Variants in ATP8B4 observed in about 807,000 individuals in gnomAD.
The protein encoded by ATP8B4 is ATPase phospholipid transporting 8B4 (putative), also known as probable phospholipid-transporting ATPase IM.
A neutral mutation model predicts 145.6 loss-of-function variants in ATP8B4; 133 were observed. The ratio of observed to expected loss-of-function variants is 0.91; its 90% CI spans 0.79 to 1.05. The LOEUF (loss-of-function observed/expected upper bound fraction) is 1.05. ATP8B4 is among the 50% of genes least tolerant of loss of function. ATP8B4 has a pLI of 0.00. For synonymous variants in ATP8B4, 507 were observed against 492.9 expected, an observed-to-expected ratio of 1.03 and a Z score of -0.38; for missense variants, 1,458 against 1,425.2, an observed-to-expected ratio of 1.02 and a Z score of -0.37.
intron 25 of ATP8B4, among the ~76,000 whole-genome samples, chr15:49,874,892 A>G (rs570686786): frequency 5.9e-5 from 9 of 152,336 alleles, no homozygotes; most frequent in African/African-American, 2.2e-4. Context: ...GTTTTATGAG[A>G]AAAACAGCTT....
At chr15:49,877,836 A>G (rs1480594514) in intron 24 of ATP8B4, among the ~76,000 whole-genome samples, 2 of 152,228 alleles carry the variant, frequency 1.3e-5, no homozygotes, top group African/African-American at 4.8e-5. Context: ...ATAAATAACA[A>G]TTAATAAAAT....
chr15:50,036,065 T>C (rs2050811961), intron 6 of ATP8B4, among the ~76,000 whole-genome samples: 1 of 152,192 alleles, frequency 6.6e-6, no homozygotes, highest in Non-Finnish European at 1.5e-5. Flanking sequence ...TTTTTAAATA[T>C]TTTCTCTTAA....
At chr15:50,068,996 GCTCA>G (rs2053559817) in intron 3 of ATP8B4, among the ~76,000 whole-genome samples, 1 of 152,068 alleles carries the variant, frequency 6.6e-6, no homozygotes, top group Admixed American at 6.6e-5. Context: ...TGGCTGTTTG[GCTCA>G]CTCACAATTT....
chr15:50,101,602 C>G (rs1366548846), intron 2 of ATP8B4, among the ~76,000 whole-genome samples: 1 of 152,038 alleles, frequency 6.6e-6, no homozygotes, highest in Non-Finnish European at 1.5e-5. Flanking sequence ...ACAATTACTA[C>G]TAGACCTAAG....
chr15:50,105,861 G>T (rs2056651541), intron 2 of ATP8B4, among the ~76,000 whole-genome samples: 1 of 152,114 alleles, frequency 6.6e-6, no homozygotes, highest in South Asian at 2.1e-4. Context: ...TTGAAAACTT[G>T]TTTGTGTTAA....
At chr15:50,055,076 A>G (rs1330812324) in intron 3 of ATP8B4, among the ~76,000 whole-genome samples, 2 of 152,184 alleles carry the variant, frequency 1.3e-5, no homozygotes, top group Non-Finnish European at 2.9e-5. Flanking sequence ...TGATAATGTA[A>G]GCTTTCTCTT....
At chr15:50,071,546 C>T (rs1239627750) in intron 3 of ATP8B4, among the ~76,000 whole-genome samples, 1 of 152,196 alleles carries the variant, frequency 6.6e-6, no homozygotes, top group Non-Finnish European at 1.5e-5. Context: ...GTATTTTTCT[C>T]AAGGTCTTAA....
At chr15:49,938,300 T>C (rs748230277) in intron 14 of ATP8B4, among the ~76,000 whole-genome samples, 4 of 152,100 alleles carry the variant, frequency 2.6e-5, no homozygotes, top group Non-Finnish European at 5.9e-5. Flanking sequence ...TAACTTTGAA[T>C]GCAAATGGTC....
At chr15:50,115,005 G>A (rs561505060) in intron 1 of ATP8B4, among the ~76,000 whole-genome samples, 25 of 152,308 alleles carry the variant, frequency 1.6e-4, no homozygotes, top group African/African-American at 5.8e-4. Flanking sequence ...TGGGGAAGAT[G>A]AGAGCAGACA....
At chr15:49,895,013 A>T (rs1307648258) in intron 23 of ATP8B4, 1 of 152,242 alleles carries the variant, frequency 6.6e-6, no homozygotes, top group African/African-American at 2.4e-5. Context: ...GGGGAAAGAA[A>T]TCCTGTACCA....
chr15:50,144,952 A>C (rs544906736), intron 1 of ATP8B4, among the ~76,000 whole-genome samples: 1 of 152,294 alleles, frequency 6.6e-6, no homozygotes, highest in South Asian at 2.1e-4. Context: ...ACACTACTGA[A>C]TATCGTAGAA....
At position 49,859,112 on chromosome 15, in the gene ATP8B4, A is replaced by G. The variant is rs1249225782; in HGVS notation, c.*1082T>C. The G allele has an allele frequency of 3.3e-4, 50 of 152,180 alleles. 1 individual carries two copies. The highest frequency in any genetic ancestry group is 3.3e-3 in the Admixed American group (50 of 15,280). 9.4% of individuals were successfully genotyped at this position (152,180 alleles called of 1,614,324 possible). On this transcript the variant is annotated 3_prime_UTR_variant, in exon 28 of 28. Coordinates refer to ENST00000284509, the MANE Select transcript of ATP8B4 (RefSeq NM_024837.4). Reference sequence around the variant, plus strand: ...ACTGATGATTCATATGTGGACTGAAATTTGAGCTGCAACATCTCCAAAAAA... The same window carrying G: ...ACTGATGATTCATATGTGGACTGAAGTTTGAGCTGCAACATCTCCAAAAAA...
At position 50,104,134 on chromosome 15, in the gene ATP8B4, A is replaced by C. The variant is rs1041489418; in HGVS notation, c.28+2805T>G. Among the ~76,000 whole-genome samples, 32 of 152,322 alleles carry C rather than the reference A, an allele frequency of 2.1e-4. No homozygotes were observed. The East Asian group carries it at 6.0e-3, about 28-fold the overall frequency. ...GAACTGAAACTATAAAAATTATAGAAGATAACATGAGAAAAACCCTTCTAG... is the reference window on the plus strand; with the variant it reads ...GAACTGAAACTATAAAAATTATAGACGATAACATGAGAAAAACCCTTCTAG... On this transcript the variant is annotated intron_variant, in intron 2 of 27. Transcript: ENST00000284509.
At chr15:50,108,946 G>A (rs751222298) in intron 1 of ATP8B4, among the ~76,000 whole-genome samples, 4 of 152,138 alleles carry the variant, frequency 2.6e-5, no homozygotes, top group Non-Finnish European at 5.9e-5. Flanking sequence ...TATTAGAAAT[G>A]GAGGAAGGGC....
intron 12 of ATP8B4, 54 bp downstream of exon 12, chr15:49,979,563 G>A (rs2045975612): frequency 7.6e-7 from 1 of 1,322,484 alleles, no homozygotes; most frequent in Non-Finnish European, 1.0e-6. Context: ...AAATAATATT[G>A]GAAACAAAGG....
At chr15:49,958,121 T>C (rs1803218999) in intron 14 of ATP8B4, among the ~76,000 whole-genome samples, 1 of 151,606 alleles carries the variant, frequency 6.6e-6, no homozygotes. Flanking sequence ...CTGCAAATTT[T>C]AAATTCTTCC....
intron 3 of ATP8B4, among the ~76,000 whole-genome samples, chr15:50,059,329 G>A (rs958312655): frequency 2.6e-5 from 4 of 152,162 alleles, no homozygotes; most frequent in Non-Finnish European, 4.4e-5. Flanking sequence ...CTAAGTCACT[G>A]AACTGATTTG....
At chr15:50,086,619 A>AAATAATAGAGATCTATATTTATTATATAT (rs2055116960) in intron 2 of ATP8B4, among the ~76,000 whole-genome samples, 1 of 117,028 alleles carries the variant, frequency 8.5e-6, no homozygotes, top group African/African-American at 3.7e-5. Context: ...ATATATAATA[A>AAATAATAGAGATCTATATTTATTATATAT]AATAATAGAG....
chr15:49,933,217 G>T (rs951604479), intron 15 of ATP8B4, among the ~76,000 whole-genome samples: 2 of 151,836 alleles, frequency 1.3e-5, no homozygotes, highest in Non-Finnish European at 2.9e-5. Flanking sequence ...AAAAAAATTA[G>T]ATATTGGAAG....
Sources: allele counts gnomAD v4.1 joint callset (sites outside exome capture counted in the v4.1 genomes callset), GRCh38; gene constraint gnomAD v4.1.1; transcripts MANE v1.5; gene names NCBI Gene and HGNC (gene_info 2026-07-23, HGNC 2026-07-21).